Variants in TMC6 observed in about 807,000 individuals in gnomAD.
TMC6 encodes the protein transmembrane channel like 6.
In TMC6, 71 loss-of-function variants were observed where a neutral mutation model predicts 95.4. The observed-to-expected ratio is 0.74, with a 90% CI of 0.61 to 0.91. TMC6 has a LOEUF of 0.91. TMC6 is among the 40% of genes least tolerant of loss of function. The pLI is 0.00. For synonymous variants in TMC6, 514 were observed against 483.1 expected (o/e 1.06, Z -0.84); for missense variants, 1,074 against 1,079.1 (o/e 1.00, Z 0.07).
At chr17:78,113,934 A>G (rs1038186469) in intron 18 of TMC6, 1 of 425,248 alleles carries the variant, frequency 2.4e-6, no homozygotes, top group Non-Finnish European at 4.4e-6. Flanking sequence ...GCCTTGGGTT[A>G]CTAACTCTGT....
intron 18 of TMC6, chr17:78,114,051 A>G (rs2073930354): frequency 3.3e-6 from 1 of 306,558 alleles, no homozygotes; most frequent in African/African-American, 2.2e-5. Context: ...CGTGGCTTAA[A>G]ACACCACCGG....
Position 78,117,819 on chromosome 17 carries a change from G to C in TMC6, c.2004C>G (p.Leu668=), listed in dbSNP as rs765464933. 1.2e-6 allele frequency: 2 copies of C among 1,607,690 alleles called. No homozygotes were observed. The highest frequency in any genetic ancestry group is 1.7e-6 in the Non-Finnish European group (2 of 1,177,324). ...CCACTCACTGCCAGACGGCGTAGCA[G>C]AGGAAGACAGCGGCGCCCAGGAAGG... is the stretch of plus-strand genomic sequence containing the variant. The part of the protein sequence containing the change: ...FPAFLGAAVF[L]CYAVWQVKPS... The change falls in exon 16 of 20, where the codon CTC becomes CTG. Residue 668 remains leucine, a synonymous_variant. Transcript: ENST00000590602.
intron 15 of TMC6, among the ~76,000 whole-genome samples, chr17:78,118,477 A>C (rs1207677156): frequency 6.6e-6 from 1 of 152,056 alleles, no homozygotes; most frequent in Admixed American, 6.6e-5. Context: ...AATGGCGTGA[A>C]CCTGGGAGGC....
rs771401559 is a variant in TMC6 at position 78,117,788 on chromosome 17, C to T, written c.2021+14G>A. On this transcript the variant is annotated intron_variant, in intron 16 of 19. Coordinates refer to ENST00000590602, the MANE Select transcript of TMC6 (RefSeq NM_001127198.5). ...GATGACACAGAAGGGTCTCCCTCCACCCGCCCCACTCACTGCCAGACGGCG... is the reference window on the plus strand; with the variant it reads ...GATGACACAGAAGGGTCTCCCTCCATCCGCCCCACTCACTGCCAGACGGCG... 5 of 1,602,590 alleles carry T rather than the reference C, an allele frequency of 3.1e-6. No individual in the cohort carries two copies. The highest frequency in any genetic ancestry group is 2.2e-5 in the South Asian group (2 of 89,416).
chr17:78,128,946 C>T (rs2074886486), upstream of TMC6, among the ~76,000 whole-genome samples: 1 of 152,128 alleles, frequency 6.6e-6, no homozygotes, highest in Non-Finnish European at 1.5e-5. This position sits in a 1 kb window ranked among gnomAD's most constrained non-coding sequence, Gnocchi z 4.0. Flanking sequence ...GGGCTGGATT[C>T]ATTCCAGCCC....
At chr17:78,131,562 C>T, upstream of TMC6, 1 of 1,540,408 alleles carries the variant, frequency 6.5e-7, no homozygotes, top group African/African-American at 1.4e-5. Context: ...CAGCCCGGCG[C>T]CCCAGCCTCT....
chr17:78,116,276 CTTT>C (rs34774395), intron 18 of TMC6, among the ~76,000 whole-genome samples: 600 of 125,432 alleles, frequency 4.8e-3, no homozygotes, highest in Middle Eastern at 0.013. Context: ...CATGCCCAGG[CTTT>C]TTTTTTTTTT....
Position 78,109,621 on chromosome 17 carries a change from C to G in TMC6, c.*3527G>C. 2.2e-6 allele frequency: 1 copy of G among 449,072 alleles called. No individual in the cohort carries two copies. Among genetic ancestry groups the G allele is most frequent in the Non-Finnish European group, 4.5e-6 (1 of 223,060 alleles). The allele number at this position is 449,072 out of a possible 1,614,324, so 27.8% of individuals were successfully genotyped here. ...GCTCCGGGATGGGCAACAGAAAGACCCCATCTCAAAAAAGCAGAAGCACAT... is the reference window on the plus strand; with the variant it reads ...GCTCCGGGATGGGCAACAGAAAGACGCCATCTCAAAAAAGCAGAAGCACAT... On this transcript the variant is annotated 3_prime_UTR_variant, in exon 20 of 20. Coordinates refer to ENST00000590602, the MANE Select transcript of TMC6 (RefSeq NM_001127198.5).
At position 78,122,596 on chromosome 17, in the gene TMC6, G is replaced by A. The variant is rs2074470721; in HGVS notation, c.1227+9C>T. The A allele has an allele frequency of 1.2e-6, 2 of 1,608,186 alleles. No individual in the cohort carries two copies. The highest frequency in any genetic ancestry group is 1.3e-5 in the African/African-American group (1 of 74,914). On this transcript the variant is annotated intron_variant, in intron 10 of 19. Coordinates refer to ENST00000590602, the MANE Select transcript of TMC6 (RefSeq NM_001127198.5). The surrounding 1 kb of genome is among the most constrained non-coding windows in gnomAD (Gnocchi z 4.9). ...GGGCAGGCCAGCTTGGTGCTCCGGG[G>A]CCACTCACCTTCAGCCGGGTGCGAA...
chr17:78,124,500 C>T, intron 8 of TMC6, 24 bp downstream of exon 8: 3 of 1,605,620 alleles, frequency 1.9e-6, no homozygotes, highest in Non-Finnish European at 2.5e-6. Context: ...CACCCCCCGT[C>T]CCCCAGTCCT....
Position 78,120,752 on chromosome 17 carries a change from T to C in TMC6, c.1616A>G (p.Gln539Arg). 1 of 1,613,526 alleles carries C rather than the reference T, an allele frequency of 6.2e-7. No homozygotes were observed. Among genetic ancestry groups the C allele is most frequent in the Non-Finnish European group, 8.5e-7 (1 of 1,179,944 alleles). ...CTGGCCCACAAAATCCTCCCAGCAC[T>C]GGCCCTGCAGGACGCCCACCCTGCG... is the stretch of plus-strand genomic sequence containing the variant. Reference protein sequence around the residue: ...LGRRVGVLQGQCWEDFVGQEL... With the variant: ...LGRRVGVLQGRCWEDFVGQEL... Residue 539 changes from glutamine (Q) to arginine (R), a missense_variant, in exon 13 of 20, where the codon CAG becomes CGG. Coordinates refer to ENST00000590602, the MANE Select transcript of TMC6 (RefSeq NM_001127198.5).
rs1598836177 is a variant in TMC6 at position 78,117,608 on chromosome 17, G to A, written c.2058C>T (p.Thr686=). 1 of 1,580,042 alleles carries A rather than the reference G, an allele frequency of 6.3e-7. No individual in the cohort carries two copies. The highest frequency in any genetic ancestry group is 8.6e-7 in the Non-Finnish European group (1 of 1,164,280). ...TGCCGGCCTCGTACATGGTGTCCAG[G>A]GTCCGGAAGGGGCCGCAGGTGCTCG... ...KPSSTCGPFR[T]LDTMYEAGRV... The change falls in exon 17 of 20, where the codon ACC becomes ACT. Residue 686 remains threonine (T), a synonymous_variant. Transcript: ENST00000590602.
chr17:78,115,226 A>G (rs1420893016), intron 18 of TMC6, among the ~76,000 whole-genome samples: 2 of 152,174 alleles, frequency 1.3e-5, no homozygotes. Context: ...CCTGGCACCA[A>G]CTAGCCAGCA....
chr17:78,128,758 C>T (rs1338431319), upstream of TMC6: 3 of 116,044 alleles, frequency 2.6e-5, no homozygotes, highest in African/African-American at 6.1e-5. The surrounding 1 kb of genome is among the most constrained non-coding windows in gnomAD (Gnocchi z 4.0). Flanking sequence ...GCAGGTCTGC[C>T]GGGGCCGGGG....
In TMC6 at chr17:78,119,034, G is replaced by A; in HGVS notation, c.1824C>T (p.Leu608=). 6.3e-7 allele frequency: 1 copy of A among 1,598,210 alleles called. No individual in the cohort carries two copies. Among genetic ancestry groups the A allele is most frequent in the South Asian group, 1.1e-5 (1 of 88,970 alleles). The change falls in exon 15 of 20, where the codon CTC becomes CTT. Residue 608 remains leucine, a synonymous_variant. Coordinates refer to ENST00000590602, the MANE Select transcript of TMC6 (RefSeq NM_001127198.5). ...GCACGGCGGGGAGGAGGGGCGAGAA[G>A]AGCACCCCCAGCCTGGGGAGGGGGT... The part of the protein sequence containing the change: ...YGQTLTWLGV[L]FSPLLPAVQI...
rs867650309 is a variant in TMC6 at position 78,124,177 on chromosome 17, A to G, written c.894T>C (p.Gly298=). ...AGTACATGACGGTGTGGGTGAAGCA[A>G]CCCTGCCACAGGGAGATCCAGCCGA... The part of the protein sequence containing the change: ...CTGLELLTGA[G]CFTHTVMYYG... Residue 298 remains glycine, a splice_region_variant and synonymous_variant, in exon 9 of 20, where the codon GGT becomes GGC. Coordinates refer to ENST00000590602, the MANE Select transcript of TMC6 (RefSeq NM_001127198.5). 1.9e-6 allele frequency: 3 copies of G among 1,600,610 alleles called. 1 individual carries two copies. In the Middle Eastern group the frequency reaches 6.3e-4, roughly 336 times the overall value.
At chr17:78,123,584 AATGG>A (rs1349610747) in intron 9 of TMC6, among the ~76,000 whole-genome samples, 22 of 97,438 alleles carry the variant, frequency 2.3e-4, no homozygotes, top group East Asian at 3.3e-4. Context: ...TGAATGTGTG[AATGG>A]ATGGATGGGT....
In TMC6 at chr17:78,121,448, G is replaced by GC; in HGVS notation, c.1383+107dup. On this transcript the variant is annotated intron_variant, in intron 11 of 19. Transcript: ENST00000590602. This position sits in a 1 kb window ranked among gnomAD's most constrained non-coding sequence, Gnocchi z 5.6. The stretch of plus-strand genomic sequence containing the variant: ...GGGCACAGCGTACGTGGCACCCTGG[G>GC]CTGGCTGGGTGGAGGAGGAGAGGCA... 19 of 1,555,266 alleles carry GC rather than the reference G, an allele frequency of 1.2e-5. No homozygotes were observed. Among genetic ancestry groups the GC allele is most frequent in the Non-Finnish European group, 1.7e-5 (19 of 1,146,030 alleles).
At position 78,108,479 on chromosome 17, in the gene TMC6, C is replaced by A. The variant is rs2073748896; in HGVS notation, c.*4669G>T. The A allele has an allele frequency of 6.5e-6, 1 of 153,312 alleles. No individual in the cohort carries two copies. Among genetic ancestry groups the A allele is most frequent in the African/African-American group, 2.5e-5 (1 of 40,746 alleles). 9.5% of individuals were successfully genotyped at this position (153,312 alleles called of 1,614,324 possible). On this transcript the variant is annotated 3_prime_UTR_variant, in exon 20 of 20. Coordinates refer to ENST00000590602, the MANE Select transcript of TMC6 (RefSeq NM_001127198.5). ...AGTTCGTTTTGTGCCTGAGTTACTA[C>A]TACAGGGGCAAACTGTACCCGTGCC...
Sources: gnomAD v4.1 joint callset for allele counts (sites outside exome capture counted in the v4.1 genomes callset) on GRCh38, gnomAD v4.1.1 for gene constraint, Gnocchi (gnomAD v3.1) non-coding constraint, MANE v1.5 for transcripts, NCBI Gene and HGNC (gene_info 2026-07-23, HGNC 2026-07-21) for gene names.